Variants in KNTC1 observed in about 807,000 individuals in gnomAD.
The protein encoded by KNTC1 is kinetochore associated 1.
KNTC1 carries 253 observed loss-of-function variants against 314.4 expected under a neutral mutation model. The ratio of observed to expected loss-of-function variants is 0.80; its 90% confidence interval spans 0.73 to 0.89. KNTC1 has a LOEUF of 0.89. Ranked by LOEUF, KNTC1 falls within the 40% of genes least tolerant of loss-of-function variation. The pLI is 0.00. For missense variants in KNTC1, 2,475 were observed against 2,572.9 expected (o/e 0.96, Z 0.82); for synonymous variants, 901 against 901.4 (o/e 1.00, Z 0.01).
chr12:122,611,492 C>T (rs978203716), intron 53 of KNTC1: 1 of 152,414 alleles, frequency 6.6e-6, no homozygotes, highest in African/African-American at 2.4e-5. Context: ...AAAAGCCTCC[C>T]CTTATATTCT....
chr12:122,556,536 C>T (rs574784194), intron 16 of KNTC1, among the ~76,000 whole-genome samples: 3 of 145,198 alleles, frequency 2.1e-5, no homozygotes, highest in Admixed American at 7.0e-5. Context: ...TGCAGTGGCA[C>T]GATCTCTGCT....
chr12:122,541,287 G>GCCTTCCTCCTT (rs1555222322), intron 5 of KNTC1, among the ~76,000 whole-genome samples: 3 of 120,968 alleles, frequency 2.5e-5, no homozygotes, highest in Non-Finnish European at 4.9e-5. Flanking sequence ...CTGCCTGCCT[G>GCCTTCCTCCTT]CCTTCCTTCC....
chr12:122,555,262 T>C lies in KNTC1; in HGVS notation c.1273-2122T>C, dbSNP rs534167337. ...TCTTTCTTCGGTTGATAAATAATCA[T>C]ATATACTTGGCCGGGTGCAGTGGCT... On this transcript the variant is annotated intron_variant, in intron 16 of 63. Transcript: ENST00000333479. Among the ~76,000 whole-genome samples the C allele has an allele frequency of 1.1e-3, 163 of 152,288 alleles. 2 individuals are homozygous for C. The South Asian group carries it at 0.015, about 14-fold the overall frequency.
In KNTC1 at chr12:122,597,893, G is replaced by T. The variant is rs764898553; in HGVS notation, c.4518G>T (p.Thr1506=). Residue 1506 remains threonine (T), a synonymous_variant, in exon 44 of 64, where the codon ACG becomes ACT. Transcript: ENST00000333479. ...CCCTTGAGATGGTTCCTTTACTGAC[G>T]AGCACAAAAGATTTGGTCATCAGTC... ...AKALEMVPLL[T]STKDLVISLS... The T allele has an allele frequency of 1.2e-6, 2 of 1,613,942 alleles. No homozygotes were observed. The highest frequency in any genetic ancestry group is 3.3e-5 in the Admixed American group (2 of 60,012).
In KNTC1 at chr12:122,604,636, A is replaced by G. The variant is rs1370413342; in HGVS notation, c.5174A>G (p.Gln1725Arg). Residue 1725 changes from glutamine to arginine, a missense_variant and splice_region_variant, in exon 49 of 64, where the codon CAG (glutamine) becomes CGG (arginine). Gln to Arg is a conservative substitution (Grantham distance 43, BLOSUM62 1). Transcript: ENST00000333479. ...AERWLQNIPS[Q>R]DEKREKAEAL... ...AGATGGCTACAGAATATCCCATCGC[A>G]GGTGTGTCTGAACTATCAGATTGGC... The G allele has an allele frequency of 1.3e-6, 2 of 1,588,850 alleles. No individual in the cohort carries two copies. Among genetic ancestry groups the G allele is most frequent in the East Asian group, 4.5e-5 (2 of 44,762 alleles).
At chr12:122,576,862 A>G (rs138621923) in intron 29 of KNTC1, 33 bp from the exon 30 acceptor site, 9 of 1,505,546 alleles carry the variant, frequency 6.0e-6, no homozygotes, top group African/African-American at 2.8e-5. Context: ...TGTGAGTTCT[A>G]TAACAAAGAA....
chr12:122,547,543 T>C lies in KNTC1; in HGVS notation c.932+13T>C. ...CATCAGTCACGTGGTATGTTATGAC[T>C]ATGGCTAGTAGTCATTTCCCTTCTG... On this transcript the variant is annotated intron_variant, in intron 11 of 63. Coordinates refer to ENST00000333479, the MANE Select transcript of KNTC1 (RefSeq NM_014708.6). The C allele has an allele frequency of 6.8e-7, 1 of 1,474,352 alleles. No individual in the cohort carries two copies. The highest frequency in any genetic ancestry group is 9.5e-7 in the Non-Finnish European group (1 of 1,055,626). The allele number at this position is 1,474,352 out of a possible 1,614,324, so 91.3% of individuals were successfully genotyped here.
At chr12:122,586,646 G>C in intron 37 of KNTC1, 55 bp from the exon 38 acceptor site, 1 of 814,060 alleles carries the variant, frequency 1.2e-6, no homozygotes, top group Middle Eastern at 2.4e-4. Context: ...TGAAGTCTGG[G>C]CTTTTAGTGT....
intron 2 of KNTC1, among the ~76,000 whole-genome samples, chr12:122,533,933 T>C (rs1014321637): frequency 1.3e-5 from 2 of 150,574 alleles, no homozygotes; most frequent in Non-Finnish European, 2.9e-5. Context: ...GTAGGTATTA[T>C]TATTGTTACT....
At chr12:122,567,942 A>G (rs1964452416) in intron 20 of KNTC1, among the ~76,000 whole-genome samples, 1 of 152,210 alleles carries the variant, frequency 6.6e-6, no homozygotes, top group South Asian at 2.1e-4. Flanking sequence ...GCCTGAGCAC[A>G]TAGTGAGATC....
rs371481758 is a variant in KNTC1 at position 122,568,322 on chromosome 12, C to T, written c.1666C>T (p.Leu556=). ...EDDLKDIFLQ[L]KEGNLVCAQY... is the part of the protein sequence containing the mutation. ...TGATCTTAAAGATATTTTTTTACAG[C>T]TAAAAGAAGGAAACCTTGTTTGTGC... The change falls in exon 21 of 64, where the codon CTA becomes TTA. Residue 556 remains leucine, a synonymous_variant. Coordinates refer to ENST00000333479, the MANE Select transcript of KNTC1 (RefSeq NM_014708.6). The T allele has an allele frequency of 6.2e-7, 1 of 1,600,782 alleles. No individual in the cohort carries two copies. The highest frequency in any genetic ancestry group is 8.6e-7 in the Non-Finnish European group (1 of 1,169,372).
chr12:122,608,761 A>G (rs1483763887), intron 51 of KNTC1, among the ~76,000 whole-genome samples: 2 of 152,128 alleles, frequency 1.3e-5, no homozygotes, highest in Non-Finnish European at 2.9e-5. Context: ...TCCTTTTACA[A>G]ATTATCTAAT....
At chr12:122,570,535 A>G (rs1283953255) in intron 22 of KNTC1, among the ~76,000 whole-genome samples, 3 of 152,018 alleles carry the variant, frequency 2.0e-5, no homozygotes, top group Non-Finnish European at 2.9e-5. Context: ...AAGAAAGAAT[A>G]AGACATACTA....
intron 7 of KNTC1, among the ~76,000 whole-genome samples, chr12:122,543,908 G>T (rs901149544): frequency 1.3e-5 from 2 of 152,032 alleles, no homozygotes; most frequent in Non-Finnish European, 2.9e-5. Context: ...AATTAGCCGG[G>T]GGGTGGTGGC....
intron 34 of KNTC1, among the ~76,000 whole-genome samples, chr12:122,583,959 C>CA (rs1156402362): frequency 6.6e-6 from 1 of 151,804 alleles, no homozygotes; most frequent in Non-Finnish European, 1.5e-5. Flanking sequence ...CTCATCTCTA[C>CA]AAAAAAAATT....
At chr12:122,573,370 CAT>C in intron 26 of KNTC1, 85 bp downstream of exon 26, 1 of 1,222,804 alleles carries the variant, frequency 8.2e-7, no homozygotes, top group Non-Finnish European at 1.2e-6. Context: ...TAAGGAATGT[CAT>C]ATGCTTTCTC....
intron 16 of KNTC1, 123 bp from the exon 17 acceptor site, chr12:122,557,261 C>T (rs980690116): frequency 4.7e-6 from 4 of 849,392 alleles, no homozygotes; most frequent in Admixed American, 5.7e-5. Flanking sequence ...AAATCTCATT[C>T]CTGGAGCGCA....
chr12:122,568,663 C>T (rs758544440), intron 21 of KNTC1, among the ~76,000 whole-genome samples: 34 of 152,058 alleles, frequency 2.2e-4, no homozygotes, highest in Non-Finnish European at 3.5e-4. Context: ...ATGGTGAATC[C>T]GTGTCTCTAC....
At chr12:122,578,465 C>G (rs1965177383) in intron 31 of KNTC1, among the ~76,000 whole-genome samples, 1 of 151,750 alleles carries the variant, frequency 6.6e-6, no homozygotes, top group Non-Finnish European at 1.5e-5. Context: ...CTCTGTTGCT[C>G]AGGCTGGAGC....
Sources: gnomAD v4.1 joint callset for allele counts (sites outside exome capture counted in the v4.1 genomes callset) on GRCh38, gnomAD v4.1.1 for gene constraint, MANE v1.5 for transcripts, NCBI Gene and HGNC (gene_info 2026-07-23, HGNC 2026-07-21) for gene names.